Variants in KCND2 observed in about 807,000 individuals in gnomAD.
The protein encoded by KCND2 is A-type voltage-gated potassium channel KCND2.
KCND2 carries 16 observed loss-of-function variants against 54.4 expected under a neutral mutation model. The observed-to-expected ratio is 0.29, with a 90% CI of 0.20 to 0.45. KCND2 has a LOEUF of 0.45. Among genes scored for constraint, KCND2 ranks in the 20% least tolerant of loss-of-function variants. KCND2 has a pLI of 1.00. For synonymous variants in KCND2, 317 were observed against 310.7 expected (o/e 1.02, Z -0.21); for missense variants, 486 against 824.2 (o/e 0.59, Z 5.02).
chr7:120,393,922 A>G lies in KCND2; in HGVS notation c.1115+118175A>G, dbSNP rs148362480. Reference sequence around the variant, plus strand: ...AGTAATTTTTTAACTATTTCACAAAACATATCATAAGAGAGAGAAAAATGT... The same window carrying G: ...AGTAATTTTTTAACTATTTCACAAAGCATATCATAAGAGAGAGAAAAATGT... On this transcript the variant is annotated intron_variant, in intron 1 of 5. Coordinates refer to ENST00000331113, the MANE Select transcript of KCND2 (RefSeq NM_012281.3). 7.9e-3 allele frequency among the ~76,000 whole-genome samples: 1,198 copies of G among 152,154 alleles called. 11 individuals carry two copies. The highest frequency in any genetic ancestry group is 0.017 in the Middle Eastern group (5 of 294).
intron 1 of KCND2, among the ~76,000 whole-genome samples, chr7:120,486,878 A>T (rs930075205): frequency 1.3e-5 from 2 of 152,082 alleles, no homozygotes; most frequent in Non-Finnish European, 2.9e-5. Flanking sequence ...AGGAAAATCA[A>T]TGTTAGCTTT....
At chr7:120,478,607 A>T (rs1562850041) in intron 1 of KCND2, among the ~76,000 whole-genome samples, 1 of 152,120 alleles carries the variant, frequency 6.6e-6, no homozygotes, top group Non-Finnish European at 1.5e-5. Context: ...TTTTTTAAAG[A>T]TTTAAACCTC....
intron 1 of KCND2, among the ~76,000 whole-genome samples, chr7:120,447,223 C>G (rs1015156654): frequency 3.2e-4 from 49 of 152,180 alleles, no homozygotes; most frequent in African/African-American, 1.1e-3. Context: ...CCACCCACTT[C>G]CTTTGTGAGA....
At chr7:120,434,774 A>G (rs1801842358) in intron 1 of KCND2, among the ~76,000 whole-genome samples, 1 of 152,002 alleles carries the variant, frequency 6.6e-6, no homozygotes, top group South Asian at 2.1e-4. Context: ...TGGTGCTTTG[A>G]CCTAATTAGT....
intron 1 of KCND2, among the ~76,000 whole-genome samples, chr7:120,688,572 T>C (rs1013557696): frequency 6.6e-6 from 1 of 152,188 alleles, no homozygotes; most frequent in Non-Finnish European, 1.5e-5. Flanking sequence ...TTTGTTGTCC[T>C]GATCTCCTTG....
intron 1 of KCND2, among the ~76,000 whole-genome samples, chr7:120,604,865 A>T (rs1792861940): frequency 6.6e-6 from 1 of 152,150 alleles, no homozygotes; most frequent in Non-Finnish European, 1.5e-5. Flanking sequence ...TATACCTTTG[A>T]TGTGAGTAGA....
At chr7:120,714,207 A>G (rs564554163) in intron 1 of KCND2, among the ~76,000 whole-genome samples, 1 of 152,216 alleles carries the variant, frequency 6.6e-6, no homozygotes, top group East Asian at 1.9e-4. Context: ...ACATCTTTTT[A>G]TGTGCTTCCA....
chr7:120,475,197 T>TAAGAACC (rs1802516266), intron 1 of KCND2, among the ~76,000 whole-genome samples: 1 of 152,244 alleles, frequency 6.6e-6, no homozygotes, highest in African/African-American at 2.4e-5. Context: ...ATTATGCCCT[T>TAAGAACC]AAGAACCAAG....
At chr7:120,381,844 T>C (rs750884914) in intron 1 of KCND2, among the ~76,000 whole-genome samples, 2 of 152,080 alleles carry the variant, frequency 1.3e-5, no homozygotes, top group Non-Finnish European at 1.5e-5. Flanking sequence ...TTTAAATGAC[T>C]TTTCCCACTC....
At position 120,666,378 on chromosome 7, in the gene KCND2, C is replaced by T. The variant is rs966071573; in HGVS notation, c.1116-66525C>T. ...AGTTTTGAATACCTATGTGTCAGGA[C>T]CCAGTTTCTTTCTAAAGATAATAAG... On this transcript the variant is annotated intron_variant, in intron 1 of 5. Transcript: ENST00000331113. Among the ~76,000 whole-genome samples the T allele has an allele frequency of 2.7e-4, 41 of 151,632 alleles. 1 individual carries two copies. The highest frequency in any genetic ancestry group is 7.2e-4 in the Admixed American group (11 of 15,180).
At chr7:120,309,847 A>G (rs907383924) in intron 1 of KCND2, among the ~76,000 whole-genome samples, 2 of 152,108 alleles carry the variant, frequency 1.3e-5, no homozygotes, top group Non-Finnish European at 2.9e-5. Context: ...GGCATACATG[A>G]TCCTTCATTG....
intron 1 of KCND2, chr7:120,464,034 T>C: frequency 1.8e-5 from 18 of 979,822 alleles, no homozygotes; most frequent in Non-Finnish European, 2.2e-5. Flanking sequence ...TTTTTTTTTC[T>C]TGCAGTTGAG....
At chr7:120,465,436 A>C (rs1263036783) in intron 1 of KCND2, among the ~76,000 whole-genome samples, 1 of 152,058 alleles carries the variant, frequency 6.6e-6, no homozygotes, top group Non-Finnish European at 1.5e-5. Context: ...AAGAAACCTG[A>C]ACTGAATTCC....
chr7:120,296,577 G>A (rs1295263711), intron 1 of KCND2, among the ~76,000 whole-genome samples: 1 of 152,030 alleles, frequency 6.6e-6, no homozygotes, highest in Non-Finnish European at 1.5e-5. Flanking sequence ...AGCCTTTTTA[G>A]TTCATAGTAA....
rs577244041 is a variant in KCND2, at chr7:120,595,271, G to A, written c.1116-137632G>A. 2.2e-4 allele frequency among the ~76,000 whole-genome samples: 34 copies of A among 151,430 alleles called. 1 individual carries two copies. Among genetic ancestry groups the A allele is most frequent in the Non-Finnish European group, 7.4e-5 (5 of 67,876 alleles). ...GTTCGAGACCAGCCTGGTCAACATG[G>A]TGAAACCCCATCTCTACCAATGTAC... On this transcript the variant is annotated intron_variant, in intron 1 of 5. Transcript: ENST00000331113.
intron 1 of KCND2, among the ~76,000 whole-genome samples, chr7:120,701,099 AAAG>A (rs1467711681): frequency 6.6e-5 from 10 of 152,112 alleles, no homozygotes; most frequent in African/African-American, 2.4e-4. Flanking sequence ...GGGGAAAAAT[AAAG>A]AAGTTCCCTG....
intron 1 of KCND2, 100 bp from the exon 2 acceptor site, chr7:120,732,803 C>G (rs762777986): frequency 1.2e-4 from 112 of 903,618 alleles, no homozygotes; most frequent in Non-Finnish European, 1.9e-4. Context: ...ATAGATATGT[C>G]CAAAAAATCA....
intron 1 of KCND2, among the ~76,000 whole-genome samples, chr7:120,612,027 T>G (rs1792962538): frequency 6.6e-6 from 1 of 152,228 alleles, no homozygotes; most frequent in Non-Finnish European, 1.5e-5. Context: ...CCAAAATGAA[T>G]GCAGATAATT....
In KCND2 at chr7:120,274,627, G is replaced by A. The variant is rs775719400; in HGVS notation, c.-6G>A. On this transcript the variant is annotated 5_prime_UTR_variant, in exon 1 of 6. Coordinates refer to ENST00000331113, the MANE Select transcript of KCND2 (RefSeq NM_012281.3). ...GTTACCCTTCTTCCTTCCGCTTCAA[G>A]TAATCATGGCGGCGGGGGTGGCAGC... 3 of 1,614,054 alleles carry A rather than the reference G, an allele frequency of 1.9e-6. No homozygotes were observed. In the African/African-American group the frequency reaches 4.0e-5, roughly 22 times the overall value.
Sources: gnomAD v4.1 joint callset for allele counts (sites outside exome capture counted in the v4.1 genomes callset) on GRCh38, gnomAD v4.1.1 for gene constraint, MANE v1.5 for transcripts, NCBI Gene and HGNC (gene_info 2026-07-23, HGNC 2026-07-21) for gene names.